INPP4B: variants seen among roughly 807,000 people sequenced by gnomAD.
The protein encoded by INPP4B is inositol polyphosphate-4-phosphatase type II B.
A neutral mutation model predicts 122.5 loss-of-function variants in INPP4B; 55 were observed. The observed-to-expected ratio is 0.45, with a 90% CI of 0.36 to 0.56. The LOEUF (loss-of-function observed/expected upper bound fraction) is 0.56. Among genes scored for constraint, INPP4B ranks in the 20% least tolerant of loss-of-function variants. The probability of loss-of-function intolerance (pLI) is 0.00; values close to 1 mark genes in which losing one functional copy is unlikely to be tolerated. For synonymous variants in INPP4B, 403 were observed against 388.7 expected (o/e 1.04, Z -0.43); for missense variants, 1,000 against 1,097.7 (o/e 0.91, Z 1.26).
intron 1 of INPP4B, among the ~76,000 whole-genome samples, chr4:142,758,707 C>T (rs1032055706): frequency 2.0e-5 from 3 of 152,146 alleles, no homozygotes; most frequent in Admixed American, 6.6e-5. Flanking sequence ...AAGCTCAGCG[C>T]TTTGGGAGGC....
At chr4:142,121,543 G>A (rs1287977220) in intron 21 of INPP4B, among the ~76,000 whole-genome samples, 1 of 151,930 alleles carries the variant, frequency 6.6e-6, no homozygotes, top group African/African-American at 2.4e-5. Flanking sequence ...TCTATTGGAG[G>A]TCTGTTCTAC....
intron 18 of INPP4B, among the ~76,000 whole-genome samples, chr4:142,127,176 C>A (rs149650254): frequency 0.019 from 2,825 of 152,260 alleles, 33 homozygotes; most frequent in Middle Eastern, 0.034. Flanking sequence ...AGTTCCCAAA[C>A]AGCATGTACT....
At chr4:142,044,646 T>C (rs1195603235) in intron 25 of INPP4B, among the ~76,000 whole-genome samples, 3 of 151,892 alleles carry the variant, frequency 2.0e-5, no homozygotes, top group East Asian at 1.9e-4. Flanking sequence ...ACCCAGCCAA[T>C]AGGATTGATG....
At chr4:142,531,130 C>T (rs368224192) in intron 2 of INPP4B, among the ~76,000 whole-genome samples, 4 of 151,522 alleles carry the variant, frequency 2.6e-5, no homozygotes, top group Non-Finnish European at 2.9e-5. Context: ...AGGTAGGGGG[C>T]GGAGAATTGT....
At position 142,401,638 on chromosome 4, in the gene INPP4B, T is replaced by C. The variant is rs181517907; in HGVS notation, c.372+1300A>G. Among the ~76,000 whole-genome samples, 596 of 152,324 alleles carry C rather than the reference T, an allele frequency of 3.9e-3. 3 individuals carry two copies. Among genetic ancestry groups the C allele is most frequent in the African/African-American group, 0.013 (552 of 41,572 alleles). On this transcript the variant is annotated intron_variant, in intron 7 of 25. Transcript: ENST00000262992. ...TAACTTACCCTTATTAATTACTCTG[T>C]AACAGTCAGTAACACTTTACGTATA...
intron 2 of INPP4B, among the ~76,000 whole-genome samples, chr4:142,464,147 C>T (rs1817269081): frequency 2.0e-5 from 3 of 152,044 alleles, no homozygotes; most frequent in Admixed American, 6.6e-5. Flanking sequence ...CATTTTACTA[C>T]TATATATCAT....
chr4:142,834,976 G>A (rs1454794722), intron 1 of INPP4B, among the ~76,000 whole-genome samples: 1 of 152,194 alleles, frequency 6.6e-6, no homozygotes. Flanking sequence ...GTTTTCATTT[G>A]TTGCTGAGCT....
At chr4:142,095,298 A>G (rs1375427401) in intron 23 of INPP4B, among the ~76,000 whole-genome samples, 1 of 152,184 alleles carries the variant, frequency 6.6e-6, no homozygotes, top group African/African-American at 2.4e-5. Context: ...TGGTAAATAA[A>G]GAGTGAATGT....
At chr4:142,629,108 A>T (rs1747303231) in intron 2 of INPP4B, among the ~76,000 whole-genome samples, 1 of 152,038 alleles carries the variant, frequency 6.6e-6, no homozygotes, top group Non-Finnish European at 1.5e-5. Flanking sequence ...AAACAAAAGT[A>T]ATAGGTAAAG....
chr4:142,378,084 C>G (rs1053712745), intron 7 of INPP4B, among the ~76,000 whole-genome samples: 12 of 152,110 alleles, frequency 7.9e-5, no homozygotes, highest in Non-Finnish European at 1.5e-4. Flanking sequence ...TTCCAAAGTA[C>G]TTTTACATGT....
intron 11 of INPP4B, among the ~76,000 whole-genome samples, chr4:142,253,857 C>T (rs1024522289): frequency 2.0e-5 from 3 of 152,140 alleles, no homozygotes; most frequent in South Asian, 2.1e-4. Flanking sequence ...CCCACCACAG[C>T]TCAAGGAGGC....
chr4:142,228,537 T>C lies in INPP4B; in HGVS notation c.836+9327A>G, dbSNP rs1852652224. Among the ~76,000 whole-genome samples the C allele has an allele frequency of 4.6e-5, 7 of 152,098 alleles. No homozygotes were observed. In the South Asian group the frequency reaches 1.5e-3, roughly 32 times the overall value. ...GTGAGGAGACATAAAAAGTTGGCAGTATTATAAGGAGGTGAGAAAGAAATG... is the reference window on the plus strand; with the variant it reads ...GTGAGGAGACATAAAAAGTTGGCAGCATTATAAGGAGGTGAGAAAGAAATG... On this transcript the variant is annotated intron_variant, in intron 12 of 25. Transcript: ENST00000262992.
intron 2 of INPP4B, among the ~76,000 whole-genome samples, chr4:142,635,183 CTAT>C (rs1748840755): frequency 6.6e-6 from 1 of 151,782 alleles, no homozygotes; most frequent in South Asian, 2.1e-4. Context: ...GTCAGAATGG[CTAT>C]TATTAAAAAG....
At chr4:142,758,236 G>A (rs1212236808) in intron 1 of INPP4B, among the ~76,000 whole-genome samples, 1 of 152,128 alleles carries the variant, frequency 6.6e-6, no homozygotes, top group East Asian at 1.9e-4. Context: ...AGAAGTGAAA[G>A]GACATAGGGG....
At chr4:142,577,149 A>AT (rs1412548571) in intron 2 of INPP4B, among the ~76,000 whole-genome samples, 2 of 151,936 alleles carry the variant, frequency 1.3e-5, no homozygotes, top group African/African-American at 2.4e-5. Flanking sequence ...CTATATGTAC[A>AT]TTTTTTGTGT....
At chr4:142,075,152 C>T (rs1769895861) in intron 25 of INPP4B, among the ~76,000 whole-genome samples, 1 of 151,976 alleles carries the variant, frequency 6.6e-6, no homozygotes, top group African/African-American at 2.4e-5. Context: ...ATGTGTTTCT[C>T]CATTTGTATA....
At chr4:142,774,757 A>C (rs894670653) in intron 1 of INPP4B, among the ~76,000 whole-genome samples, 1 of 152,040 alleles carries the variant, frequency 6.6e-6, no homozygotes, top group Admixed American at 6.6e-5. Context: ...CTTACAGAAA[A>C]ATTGCAAAAA....
At chr4:142,738,032 A>G (rs1312243105) in intron 1 of INPP4B, among the ~76,000 whole-genome samples, 1 of 152,234 alleles carries the variant, frequency 6.6e-6, no homozygotes, top group Non-Finnish European at 1.5e-5. Context: ...TAGTTCAACC[A>G]TTGTGGAAGT....
At chr4:142,657,788 AATGAC>A (rs1219665682) in intron 2 of INPP4B, among the ~76,000 whole-genome samples, 1 of 152,224 alleles carries the variant, frequency 6.6e-6, no homozygotes, top group African/African-American at 2.4e-5. Context: ...TGGAAAAATA[AATGAC>A]ATGGTAATCT....
Sources: gnomAD v4.1 joint callset for allele counts (sites outside exome capture counted in the v4.1 genomes callset) on GRCh38, gnomAD v4.1.1 for gene constraint, MANE v1.5 for transcripts, NCBI Gene and HGNC (gene_info 2026-07-23, HGNC 2026-07-21) for gene names.